The following KIRREL3 variants were observed in gnomAD, a reference collection of about 807,000 sequenced individuals.
KIRREL3 encodes the protein kin of IRRE-like protein 3.
A neutral mutation model predicts 89.7 loss-of-function variants in KIRREL3; 36 were observed. The observed-to-expected ratio is 0.40, with a 90% CI of 0.31 to 0.53. KIRREL3 has a LOEUF of 0.53. Among genes scored for constraint, KIRREL3 ranks in the 20% least tolerant of loss-of-function variants. The pLI is 0.49. For missense variants in KIRREL3, 864 were observed against 1,056.6 expected, an observed-to-expected ratio of 0.82 and a Z score of 2.53; for synonymous variants, 445 against 441.4, an observed-to-expected ratio of 1.01 and a Z score of -0.10.
chr11:126,593,918 C>T (rs1016950971), intron 1 of KIRREL3, among the ~76,000 whole-genome samples: 1 of 152,242 alleles, frequency 6.6e-6, no homozygotes, highest in East Asian at 1.9e-4. Context: ...ATACAACTGT[C>T]CCCCTCCACC....
intron 4 of KIRREL3, among the ~76,000 whole-genome samples, chr11:126,504,015 A>G (rs1957946060): frequency 6.6e-6 from 1 of 152,188 alleles, no homozygotes; most frequent in Non-Finnish European, 1.5e-5. Context: ...GGTCTGGATT[A>G]TCTTAAATTT....
chr11:126,537,785 T>TGGTAGACA lies in KIRREL3; in HGVS notation c.134-11106_134-11099dup, dbSNP rs1299127970. 6.6e-6 allele frequency among the ~76,000 whole-genome samples: 1 copy of TGGTAGACA among 152,234 alleles called. No homozygotes were observed. The highest frequency in any genetic ancestry group is 1.5e-5 in the Non-Finnish European group (1 of 68,052). On this transcript the variant is annotated intron_variant, in intron 2 of 16. Coordinates refer to ENST00000525144, the MANE Select transcript of KIRREL3 (RefSeq NM_032531.4). The surrounding 1 kb of genome is among the most constrained non-coding windows in gnomAD (Gnocchi z 4.3). ...GAGAGGTTTTATATGTAAATGATCTTGGTAGACAGGTGTTTCACAAAGGGT... is the reference window on the plus strand; with the variant it reads ...GAGAGGTTTTATATGTAAATGATCTTGGTAGACAGGTAGACAGGTGTTTCACAAAGGGT...
intron 1 of KIRREL3, among the ~76,000 whole-genome samples, chr11:126,695,696 G>A (rs959439444): frequency 2.0e-5 from 3 of 152,108 alleles, no homozygotes; most frequent in Non-Finnish European, 4.4e-5. Flanking sequence ...GTGAGCTTTC[G>A]TGTCTTGGGG....
At chr11:126,835,042 T>C (rs1592197761) in intron 1 of KIRREL3, among the ~76,000 whole-genome samples, 1 of 152,250 alleles carries the variant, frequency 6.6e-6, no homozygotes, top group Non-Finnish European at 1.5e-5. Context: ...ATAATTTTGT[T>C]TGAAATTTTC....
Position 126,477,499 on chromosome 11 carries a change from C to T in KIRREL3, c.434-4033G>A, listed in dbSNP as rs549451117. Among the ~76,000 whole-genome samples, 9 of 152,278 alleles carry T rather than the reference C, an allele frequency of 5.9e-5. No individual in the cohort carries two copies. In the South Asian group the frequency reaches 6.2e-4, roughly 11 times the overall value. On this transcript the variant is annotated intron_variant, in intron 4 of 16. Coordinates refer to ENST00000525144, the MANE Select transcript of KIRREL3 (RefSeq NM_032531.4). The surrounding 1 kb of genome is among the most constrained non-coding windows in gnomAD (Gnocchi z 4.8). ...GAGGCTGACCCAAAGTTACCAGTGA[C>T]GAGAGCAAAGAAGGGTGAGGGTGGG...
At chr11:126,699,348 A>G (rs1591982024) in intron 1 of KIRREL3, among the ~76,000 whole-genome samples, 3 of 152,348 alleles carry the variant, frequency 2.0e-5, no homozygotes, top group Middle Eastern at 6.8e-3. Context: ...AATTCATTCG[A>G]CAAATATTGA....
rs779923986 is a variant in KIRREL3 at position 126,463,109 on chromosome 11, C to T, written c.742+48G>A. On this transcript the variant is annotated intron_variant, in intron 6 of 16. Transcript: ENST00000525144. The surrounding 1 kb of genome is among the most constrained non-coding windows in gnomAD (Gnocchi z 5.9). ...CTATGGTCAGGGTTGCTGGGTGTTTCACCCTGGGCCTGGCAGGGCTGGGTT... is the reference window on the plus strand; with the variant it reads ...CTATGGTCAGGGTTGCTGGGTGTTTTACCCTGGGCCTGGCAGGGCTGGGTT... 12 of 1,586,528 alleles carry T rather than the reference C, an allele frequency of 7.6e-6. No homozygotes were observed. The highest frequency in any genetic ancestry group is 2.7e-5 in the African/African-American group (2 of 74,496).
rs1947491988 is a variant in KIRREL3 at position 126,923,213 on chromosome 11, CTT to C, written c.55+77240_55+77241del. 2.1e-4 allele frequency among the ~76,000 whole-genome samples: 4 copies of C among 19,220 alleles called. 1 individual carries two copies. Among genetic ancestry groups the C allele is most frequent in the Non-Finnish European group, 3.0e-4 (3 of 9,920 alleles). 12.6% of individuals were successfully genotyped at this position (19,220 alleles called of 152,430 possible). A position where few individuals can be genotyped will look rare whatever the true frequency, so the allele number is the denominator to read the frequency against. ...TCTTCTTCTTCTTCTTCTTCTTCTT[CTT>C]CTTCTTCTTCTTCTTCTTCTTCTTC... is the stretch of plus-strand genomic sequence containing the variant. On this transcript the variant is annotated intron_variant, in intron 1 of 16. Transcript: ENST00000525144.
intron 1 of KIRREL3, among the ~76,000 whole-genome samples, chr11:126,760,137 A>G (rs1280819228): frequency 1.3e-5 from 2 of 152,178 alleles, no homozygotes; most frequent in Non-Finnish European, 2.9e-5. Context: ...GATGTGCCAG[A>G]CATAGTTCTG....
rs998964268 is a variant in KIRREL3, at chr11:126,814,023, G to C, written c.55+186432C>G. 2.0e-5 allele frequency among the ~76,000 whole-genome samples: 3 copies of C among 151,934 alleles called. No individual in the cohort carries two copies. Among genetic ancestry groups the C allele is most frequent in the African/African-American group, 7.3e-5 (3 of 41,352 alleles). Reference sequence around the variant, plus strand: ...TTTTGCAGTCTATTCAACTGACAAAGGTCTAATATCCAGAGTCTACAAGGA... The same window carrying C: ...TTTTGCAGTCTATTCAACTGACAAACGTCTAATATCCAGAGTCTACAAGGA... On this transcript the variant is annotated intron_variant, in intron 1 of 16. Coordinates refer to ENST00000525144, the MANE Select transcript of KIRREL3 (RefSeq NM_032531.4). This position sits in a 1 kb window ranked among gnomAD's most constrained non-coding sequence, Gnocchi z 4.4.
Position 126,656,244 on chromosome 11 carries a change from A to C in KIRREL3, c.56-93332T>G, listed in dbSNP as rs1472419182. On this transcript the variant is annotated intron_variant, in intron 1 of 16. Transcript: ENST00000525144. This position sits in a 1 kb window ranked among gnomAD's most constrained non-coding sequence, Gnocchi z 4.0. ...AAGATGCCTGTTGGTTCTGCCGTTC[A>C]TATCTGTGAGATATCAGGCTGGTTT... The C allele has an allele frequency of 2.3e-6, 1 of 442,974 alleles. No homozygotes were observed. The highest frequency in any genetic ancestry group is 4.6e-6 in the Non-Finnish European group (1 of 218,864). 27.4% of individuals were successfully genotyped at this position (442,974 alleles called of 1,614,324 possible). A position where few individuals can be genotyped will look rare whatever the true frequency, so the allele number is the denominator to read the frequency against.
rs1010853769 is a variant in KIRREL3, at chr11:126,553,512, C to A, written c.133+9323G>T. ...TGTGCCTGAGAGGGTGCAAAGGGAA[C>A]ATGTCCAGATTCAGCCCATCTCTAC... On this transcript the variant is annotated intron_variant, in intron 2 of 16. Transcript: ENST00000525144. The surrounding 1 kb of genome is among the most constrained non-coding windows in gnomAD (Gnocchi z 4.7). 7.9e-5 allele frequency among the ~76,000 whole-genome samples: 12 copies of A among 152,140 alleles called. No individual in the cohort carries two copies. The highest frequency in any genetic ancestry group is 2.9e-4 in the African/African-American group (12 of 41,416).
At chr11:126,479,421 G>A (rs953991765) in intron 4 of KIRREL3, among the ~76,000 whole-genome samples, 1 of 152,220 alleles carries the variant, frequency 6.6e-6, no homozygotes, top group Non-Finnish European at 1.5e-5. Flanking sequence ...CTGATGGGGA[G>A]GCCCTTGCCA....
intron 1 of KIRREL3, among the ~76,000 whole-genome samples, chr11:126,717,231 G>A (rs1264834619): frequency 2.0e-5 from 3 of 152,210 alleles, no homozygotes; most frequent in Non-Finnish European, 2.9e-5. Context: ...GAGGTTGGGA[G>A]TTAGGAGAGA....
At position 126,683,635 on chromosome 11, in the gene KIRREL3, G is replaced by A. The variant is rs377742166; in HGVS notation, c.56-120723C>T. Among the ~76,000 whole-genome samples, 1 of 152,228 alleles carries A rather than the reference G, an allele frequency of 6.6e-6. No individual in the cohort carries two copies. The highest frequency in any genetic ancestry group is 1.5e-5 in the Non-Finnish European group (1 of 68,042). ...CAACCAATGCTCATGATTGGCCAGGGCATTGACGGCAGAATCGTAAGGATC... is the reference window on the plus strand; with the variant it reads ...CAACCAATGCTCATGATTGGCCAGGACATTGACGGCAGAATCGTAAGGATC... On this transcript the variant is annotated intron_variant, in intron 1 of 16. Transcript: ENST00000525144. This position sits in a 1 kb window ranked among gnomAD's most constrained non-coding sequence, Gnocchi z 5.2.
At chr11:126,626,079 C>A (rs2134860204) in intron 1 of KIRREL3, among the ~76,000 whole-genome samples, 1 of 152,306 alleles carries the variant, frequency 6.6e-6, no homozygotes, top group Non-Finnish European at 1.5e-5. Context: ...CAGAACCCTG[C>A]TGGGGTAGGG....
intron 2 of KIRREL3, among the ~76,000 whole-genome samples, chr11:126,532,459 TC>T (rs1407916857): frequency 1.3e-5 from 2 of 152,042 alleles, no homozygotes; most frequent in Non-Finnish European, 2.9e-5. Context: ...CACTGCAACC[TC>T]CCCCTCCTGG....
intron 4 of KIRREL3, among the ~76,000 whole-genome samples, chr11:126,506,087 G>A (rs545897039): frequency 6.6e-6 from 1 of 152,234 alleles, no homozygotes; most frequent in Admixed American, 6.5e-5. Context: ...AATGAATTTA[G>A]GGCCTTCACA....
chr11:126,590,289 CCT>C (rs1375627853), intron 1 of KIRREL3, among the ~76,000 whole-genome samples: 2 of 152,212 alleles, frequency 1.3e-5, no homozygotes, highest in Non-Finnish European at 2.9e-5. Context: ...ACATCACCTC[CCT>C]CTGTTTTAAA....
Sources: allele counts gnomAD v4.1 joint callset (sites outside exome capture counted in the v4.1 genomes callset), GRCh38; gene constraint gnomAD v4.1.1; non-coding constraint Gnocchi (gnomAD v3.1); transcripts MANE v1.5; gene names NCBI Gene and HGNC (gene_info 2026-07-23, HGNC 2026-07-21).